SEC22A: variants seen among roughly 807,000 people sequenced by gnomAD.
SEC22A encodes the protein SEC22 homolog A, vesicle trafficking protein.
Under a neutral mutation model 35.3 loss-of-function variants are expected in SEC22A, and 22 were observed. The ratio of observed to expected loss-of-function variants is 0.62; its 90% CI spans 0.45 to 0.89. The LOEUF (loss-of-function observed/expected upper bound fraction) is 0.89. Among genes scored for constraint, SEC22A ranks in the 40% least tolerant of loss-of-function variants. The probability of loss-of-function intolerance (pLI) is 0.00; values close to 1 mark genes in which losing one functional copy is unlikely to be tolerated. For missense variants in SEC22A, 354 were observed against 362.5 expected (o/e 0.98, Z 0.19); for synonymous variants, 119 against 129.5 (o/e 0.92, Z 0.55).
chr3:123,269,867 C>T (rs1455255951), intron 6 of SEC22A, among the ~76,000 whole-genome samples: 1 of 151,946 alleles, frequency 6.6e-6, no homozygotes, highest in Non-Finnish European at 1.5e-5. Flanking sequence ...CTCCTGACCT[C>T]GTGATCCGCC....
chr3:123,245,995 C>G lies in SEC22A; in HGVS notation c.638C>G (p.Ala213Gly). 6.2e-7 allele frequency: 1 copy of G among 1,602,856 alleles called. No homozygotes were observed. The highest frequency in any genetic ancestry group is 1.1e-5 in the South Asian group (1 of 90,788). The change falls in exon 5 of 7, where the codon GCT becomes GGT. Residue 213 changes from alanine (A) to glycine (G), a missense_variant. Physicochemically the swap from Ala to Gly is moderately conservative, Grantham distance 60. Coordinates refer to ENST00000492595, the MANE Select transcript of SEC22A (RefSeq NM_012430.5). ...CTGAATTTAATTCGAGGCTTTCATG[C>G]TATAGAAAGTCTCCTGCAGGTACTG... The part of the protein sequence containing the change: ...GALNLIRGFH[A>G]IESLLQSDGD...
At chr3:123,203,053 CTTTTTTTTTTTTTTTTTTTT>C (rs779433710) in intron 1 of SEC22A, among the ~76,000 whole-genome samples, 6 of 43,822 alleles carry the variant, frequency 1.4e-4, no homozygotes, top group African/African-American at 3.2e-4. Context: ...TGTTTAGTGC[CTTTTTTTTTTTTTTTTTTTT>C]TTTTTTTTTT....
At chr3:123,251,377 T>A (rs1937611716) in intron 5 of SEC22A, among the ~76,000 whole-genome samples, 1 of 152,182 alleles carries the variant, frequency 6.6e-6, no homozygotes, top group East Asian at 1.9e-4. Context: ...CAGAATCCTT[T>A]CTTTTGTCTT....
chr3:123,213,922 G>A (rs6789703), intron 2 of SEC22A, among the ~76,000 whole-genome samples: 29,847 of 152,088 alleles, frequency 0.2, 3,042 homozygotes, highest in Middle Eastern at 0.28. Flanking sequence ...GGTGGCTCAC[G>A]CCTGTAATCC....
At chr3:123,245,859 G>A (rs766930162) in intron 4 of SEC22A, 40 bp from the exon 5 acceptor site, 1 of 1,100,982 alleles carries the variant, frequency 9.1e-7, no homozygotes, top group South Asian at 1.3e-5. Flanking sequence ...TCTTTGTGAG[G>A]TATTGGTGTT....
chr3:123,252,232 C>T (rs1452666637), intron 5 of SEC22A, among the ~76,000 whole-genome samples: 15 of 152,084 alleles, frequency 9.9e-5, no homozygotes, highest in Admixed American at 9.8e-4. Context: ...TCTTAGCCCT[C>T]TTTCTGGTTG....
chr3:123,227,627 A>T (rs1937236907), intron 4 of SEC22A, among the ~76,000 whole-genome samples: 2 of 152,246 alleles, frequency 1.3e-5, no homozygotes, highest in African/African-American at 4.8e-5. Flanking sequence ...TAAAAATGTA[A>T]GACAATATCA....
chr3:123,210,927 C>G (rs566477036), intron 2 of SEC22A, among the ~76,000 whole-genome samples: 3 of 152,142 alleles, frequency 2.0e-5, no homozygotes, highest in Non-Finnish European at 2.9e-5. Context: ...TATTAACATG[C>G]TTATCCTGGG....
In SEC22A at chr3:123,223,706, C is replaced by T. The variant is rs1937171181; in HGVS notation, c.330C>T (p.Tyr110=). 6.2e-7 allele frequency: 1 copy of T among 1,612,078 alleles called. No individual in the cohort carries two copies. The highest frequency in any genetic ancestry group is 1.7e-5 in the Admixed American group (1 of 59,816). The change falls in exon 3 of 7, where the codon TAC becomes TAT. Residue 110 remains tyrosine, a synonymous_variant. Transcript: ENST00000492595. ...AGACAAATACTGCTGTCAGACCATA[C>T]TGTTTCATTGAATTTGGTAAGGGCC... The part of the protein sequence containing the change: ...MMKTNTAVRP[Y]CFIEFDNFIQ...
chr3:123,216,977 T>A (rs1256231279), intron 2 of SEC22A, among the ~76,000 whole-genome samples: 1 of 150,652 alleles, frequency 6.6e-6, no homozygotes, highest in Non-Finnish European at 1.5e-5. Context: ...TGGGTGTGCA[T>A]CACCACACCT....
At chr3:123,261,211 G>A (rs1000328377) in intron 6 of SEC22A, among the ~76,000 whole-genome samples, 1 of 152,156 alleles carries the variant, frequency 6.6e-6, no homozygotes, top group East Asian at 1.9e-4. Flanking sequence ...ATTTAATGGT[G>A]ATGAGTGACA....
At chr3:123,261,124 C>G (rs545537916) in intron 6 of SEC22A, among the ~76,000 whole-genome samples, 1 of 151,912 alleles carries the variant, frequency 6.6e-6, no homozygotes. Flanking sequence ...CGTGAGCCAC[C>G]GCGCCTGACC....
chr3:123,234,132 C>T (rs1314887677), intron 4 of SEC22A, among the ~76,000 whole-genome samples: 1 of 152,084 alleles, frequency 6.6e-6, no homozygotes, highest in Non-Finnish European at 1.5e-5. Context: ...GAAACAACAC[C>T]TACATTAATG....
chr3:123,271,921 T>G lies in SEC22A; in HGVS notation c.*199T>G. 1 of 584,736 alleles carries G rather than the reference T, an allele frequency of 1.7e-6. No homozygotes were observed. The highest frequency in any genetic ancestry group is 4.6e-4 in the Middle Eastern group (1 of 2,156). The allele number at this position is 584,736 out of a possible 1,614,324, so 36.2% of individuals were successfully genotyped here. A position where few individuals can be genotyped will look rare whatever the true frequency, so the allele number is the denominator to read the frequency against. ...CAGAAGAATGTTGGCCATGAGACTA[T>G]CATTCAGAGGAGGAGGGGATTTCTC... is the stretch of plus-strand genomic sequence containing the variant. On this transcript the variant is annotated 3_prime_UTR_variant, in exon 7 of 7. Coordinates refer to ENST00000492595, the MANE Select transcript of SEC22A (RefSeq NM_012430.5).
intron 6 of SEC22A, among the ~76,000 whole-genome samples, chr3:123,268,627 T>C (rs1410999813): frequency 1.3e-5 from 2 of 152,218 alleles, no homozygotes; most frequent in African/African-American, 4.8e-5. Flanking sequence ...TTAAAATACT[T>C]CATGATGTAT....
intron 6 of SEC22A, among the ~76,000 whole-genome samples, chr3:123,266,455 G>A (rs1198504071): frequency 6.6e-6 from 1 of 151,998 alleles, no homozygotes; most frequent in Non-Finnish European, 1.5e-5. Flanking sequence ...TTCTTTAGCT[G>A]TATTCCATAA....
chr3:123,242,206 C>A (rs1271594821), intron 4 of SEC22A, among the ~76,000 whole-genome samples: 1 of 151,644 alleles, frequency 6.6e-6, no homozygotes, highest in Non-Finnish European at 1.5e-5. Flanking sequence ...CTCATTTAAA[C>A]CTTTCCCTTC....
At chr3:123,238,188 ATTTAT>A (rs1317757883) in intron 4 of SEC22A, among the ~76,000 whole-genome samples, 1 of 151,910 alleles carries the variant, frequency 6.6e-6, no homozygotes, top group African/African-American at 2.4e-5. Context: ...CACAACTAGA[ATTTAT>A]TTTATTTTAT....
intron 6 of SEC22A, among the ~76,000 whole-genome samples, chr3:123,261,040 T>C (rs536485066): frequency 1.1e-4 from 16 of 151,850 alleles, no homozygotes; most frequent in African/African-American, 3.9e-4. Context: ...TTTCACCATG[T>C]TAGCCAGGAT....
Sources: gnomAD v4.1 joint callset for allele counts (sites outside exome capture counted in the v4.1 genomes callset) on GRCh38, gnomAD v4.1.1 for gene constraint, MANE v1.5 for transcripts, NCBI Gene and HGNC (gene_info 2026-07-23, HGNC 2026-07-21) for gene names.